Variants in MBOAT7 observed in about 807,000 individuals in gnomAD.
MBOAT7 encodes membrane-bound acylglycerophosphatidylinositol O-acyltransferase MBOAT7.
MBOAT7 carries 40 observed loss-of-function variants against 47.4 expected under a neutral mutation model. The observed-to-expected ratio is 0.84, with a 90% CI of 0.66 to 1.10. The LOEUF (loss-of-function observed/expected upper bound fraction) is 1.10, where lower values mean the gene tolerates loss of function less well. Ranked by LOEUF, MBOAT7 falls within the 50% of genes least tolerant of loss-of-function variation. The probability of loss-of-function intolerance (pLI) is 0.00; values close to 1 mark genes in which losing one functional copy is unlikely to be tolerated. For synonymous variants in MBOAT7, 361 were observed against 292.0 expected (o/e 1.24, Z -2.41); for missense variants, 680 against 655.6 (o/e 1.04, Z -0.41).
At chr19:54,189,163 A>G in intron 1 of MBOAT7, 175 bp downstream of exon 1, 1 of 153,138 alleles carries the variant, frequency 6.5e-6, no homozygotes, top group East Asian at 1.9e-4. Flanking sequence ...GCCCAGGCCC[A>G]GGCCCAGCCC....
chr19:54,176,085 G>C (rs1320837214), intron 7 of MBOAT7, among the ~76,000 whole-genome samples: 1 of 152,130 alleles, frequency 6.6e-6, no homozygotes, highest in East Asian at 1.9e-4. Context: ...TCGATCTCCT[G>C]ACCTTGTGAT....
chr19:54,183,493 G>A, intron 5 of MBOAT7, 28 bp downstream of exon 5: 4 of 1,600,894 alleles, frequency 2.5e-6, no homozygotes, highest in Non-Finnish European at 3.4e-6. Context: ...AGACAGAGCG[G>A]CAGAGTTGTT....
chr19:54,183,410 G>A (rs2076339909), intron 5 of MBOAT7, 111 bp downstream of exon 5: 2 of 1,272,044 alleles, frequency 1.6e-6, no homozygotes, highest in Admixed American at 4.9e-5. Context: ...CACAGCAGCA[G>A]ATGCTAGGAT....
Position 54,181,089 on chromosome 19 carries a change from G to T in MBOAT7, c.538C>A (p.Pro180Thr). 1 of 1,517,574 alleles carries T rather than the reference G, an allele frequency of 6.6e-7. No individual in the cohort carries two copies. Among genetic ancestry groups the T allele is most frequent in the African/African-American group, 1.4e-5 (1 of 72,574 alleles). The allele number at this position is 1,517,574 out of a possible 1,614,324, so 94.0% of individuals were successfully genotyped here. ...YRTYLDWLEQ[P>T]FPGAVPSLRP... ...AGGCTGGGCACTGCCCCGGGGAAGG[G>T]CTGCTCCAGCCAGTCCAGGTAGGTG... Residue 180 changes from proline (P) to threonine (T), a missense_variant, in exon 6 of 8, where the codon CCC becomes ACC. By Grantham distance (38) the Pro-to-Thr change is conservative. Coordinates refer to ENST00000245615, the MANE Select transcript of MBOAT7 (RefSeq NM_024298.5).
At chr19:54,178,643 A>C in intron 7 of MBOAT7, 122 bp downstream of exon 7, 1 of 1,458,434 alleles carries the variant, frequency 6.9e-7, no homozygotes, top group South Asian at 1.4e-5. Flanking sequence ...CAGGCTAAAC[A>C]AACTACAATT....
At chr19:54,187,092 G>C in intron 4 of MBOAT7, 69 bp downstream of exon 4, 1 of 1,496,350 alleles carries the variant, frequency 6.7e-7, no homozygotes, top group Non-Finnish European at 8.9e-7. Context: ...CCACTGAAGG[G>C]GGAGGTAAAG....
rs759456879 is a variant in MBOAT7 at position 54,187,277 on chromosome 19, C to A, written c.217G>T (p.Ala73Ser). The A allele has an allele frequency of 1.2e-6, 2 of 1,609,594 alleles. No homozygotes were observed. Among genetic ancestry groups the A allele is most frequent in the Non-Finnish European group, 1.7e-6 (2 of 1,178,130 alleles). ...GAGAAAGTCCAGGCCAGAGCCAGGG[C>A]GTGGCAGGAGCTGGGCAAAAGCAGG... ...LIQAQPCSCH[A>S]LALAWTFSYL... The change falls in exon 4 of 8, where the codon GCC becomes TCC. Residue 73 changes from alanine to serine, a missense_variant. Ala to Ser is a moderately conservative substitution (Grantham distance 99). Coordinates refer to ENST00000245615, the MANE Select transcript of MBOAT7 (RefSeq NM_024298.5).
At chr19:54,189,004 G>A (rs1432956728) in intron 1 of MBOAT7, among the ~76,000 whole-genome samples, 2 of 42,694 alleles carry the variant, frequency 4.7e-5, no homozygotes, top group South Asian at 5.7e-4. Flanking sequence ...CCCATCCCCC[G>A]GCCCTTGTGA....
At chr19:54,184,203 A>AT (rs1291576483) in intron 4 of MBOAT7, among the ~76,000 whole-genome samples, 4 of 136,632 alleles carry the variant, frequency 2.9e-5, no homozygotes, top group Admixed American at 1.5e-4. Flanking sequence ...TTGCTCTGTC[A>AT]CCAGGCTGGA....
chr19:54,178,582 G>A (rs2076173744), intron 7 of MBOAT7, 183 bp downstream of exon 7: 1 of 1,427,160 alleles, frequency 7.0e-7, no homozygotes, highest in Non-Finnish European at 9.1e-7. Context: ...CCGAGAGGGG[G>A]AACGATTTTA....
chr19:54,177,804 A>C (rs1004519643), intron 7 of MBOAT7, among the ~76,000 whole-genome samples: 1 of 140,414 alleles, frequency 7.1e-6, no homozygotes, highest in African/African-American at 2.7e-5. Flanking sequence ...TCTTCACCAT[A>C]TTGCCCTGAC....
At chr19:54,174,505 CA>C in intron 7 of MBOAT7, 74 bp from the exon 8 acceptor site, 3 of 1,410,122 alleles carry the variant, frequency 2.1e-6, no homozygotes, top group Non-Finnish European at 2.8e-6. Context: ...TCCAGGAGTC[CA>C]GGACCCCAGC....
At chr19:54,181,169 G>C in intron 5 of MBOAT7, 36 bp from the exon 6 acceptor site, 1 of 1,449,242 alleles carries the variant, frequency 6.9e-7, no homozygotes, top group Non-Finnish European at 9.1e-7. Flanking sequence ...GGTCAGACAG[G>C]CAGGTGGGCA....
Position 54,187,242 on chromosome 19 carries a change from C to G in MBOAT7, c.252G>C (p.Leu84=). ...CCAGGAGGCTGAGGGCTCGGAAGAA[C>G]AGGAGATAGGAGAAAGTCCAGGCCA... ...LALAWTFSYL[L]FFRALSLLGL... Residue 84 remains leucine (L), a synonymous_variant, in exon 4 of 8, where the codon CTG becomes CTC. Transcript: ENST00000245615. 6.2e-7 allele frequency: 1 copy of G among 1,610,114 alleles called. No individual in the cohort carries two copies. The highest frequency in any genetic ancestry group is 8.5e-7 in the Non-Finnish European group (1 of 1,178,548).
In MBOAT7 at chr19:54,180,676, G is replaced by T; in HGVS notation, c.854+97C>A. 1 of 1,189,190 alleles carries T rather than the reference G, an allele frequency of 8.4e-7. No individual in the cohort carries two copies. The highest frequency in any genetic ancestry group is 1.1e-6 in the Non-Finnish European group (1 of 877,766). 73.7% of individuals were successfully genotyped at this position (1,189,190 alleles called of 1,614,324 possible). A position where few individuals can be genotyped will look rare whatever the true frequency, so the allele number is the denominator to read the frequency against. On this transcript the variant is annotated intron_variant, in intron 6 of 7. Transcript: ENST00000245615. This position sits in a 1 kb window ranked among gnomAD's most constrained non-coding sequence, Gnocchi z 5.2. ...TCTGCTCAAAAAGGTGGTGGCCCTG[G>T]CCCCTTGCTCCCCGCTCTCCTCCCG...
In MBOAT7 at chr19:54,189,506, G is replaced by A. The variant is rs2076572211; in HGVS notation, c.-172C>T. 6.6e-6 allele frequency: 1 copy of A among 152,616 alleles called. No individual in the cohort carries two copies. Among genetic ancestry groups the A allele is most frequent in the Non-Finnish European group, 1.5e-5 (1 of 68,214 alleles). 9.5% of individuals were successfully genotyped at this position (152,616 alleles called of 1,614,324 possible). On this transcript the variant is annotated 5_prime_UTR_variant, in exon 1 of 8. Coordinates refer to ENST00000245615, the MANE Select transcript of MBOAT7 (RefSeq NM_024298.5). ...GAAGAAGCCACGGTCAGGGCCCCGG[G>A]CGGGCAGGGAAGAAGCCCCGGAGCA...
Position 54,181,050 on chromosome 19 carries a change from G to C in MBOAT7, c.577C>G (p.Arg193Gly). The change falls in exon 6 of 8, where the codon CGC becomes GGC. Residue 193 changes from arginine (R) to glycine (G), a missense_variant. Transcript: ENST00000245615. ...GAVPSLRPLLRRAWPAPLFGL... is the reference protein window; with the variant it reads ...GAVPSLRPLLGRAWPAPLFGL... ...AAGAGCGGGGCCGGCCAGGCGCGGC[G>C]CAGCAGGGGCCGCAGGCTGGGCACT... 5 of 1,544,870 alleles carry C rather than the reference G, an allele frequency of 3.2e-6. No homozygotes were observed. The highest frequency in any genetic ancestry group is 4.4e-6 in the Non-Finnish European group (5 of 1,145,048).
intron 7 of MBOAT7, among the ~76,000 whole-genome samples, chr19:54,176,306 G>A (rs779563664): frequency 2.6e-5 from 4 of 152,160 alleles, no homozygotes; most frequent in African/African-American, 7.2e-5. Flanking sequence ...GTTTTCTTGA[G>A]AAGGGAGGAC....
At chr19:54,176,633 A>G (rs1477826542) in intron 7 of MBOAT7, among the ~76,000 whole-genome samples, 3 of 152,168 alleles carry the variant, frequency 2.0e-5, no homozygotes, top group Admixed American at 6.5e-5. Context: ...AGTTACAACA[A>G]CATGTCTCCA....
Sources: allele counts gnomAD v4.1 joint callset (sites outside exome capture counted in the v4.1 genomes callset), GRCh38; gene constraint gnomAD v4.1.1; non-coding constraint Gnocchi (gnomAD v3.1); transcripts MANE v1.5; gene names NCBI Gene and HGNC (gene_info 2026-07-23, HGNC 2026-07-21).